The following CCDC191 variants were observed in gnomAD, a reference collection of about 807,000 sequenced individuals.
The protein encoded by CCDC191 is coiled-coil domain-containing protein 191.
CCDC191 carries 99 observed loss-of-function variants against 114.0 expected under a neutral mutation model. That is an observed-to-expected ratio of 0.87 (90% CI 0.74 to 1.03). The LOEUF is 1.03. CCDC191 is among the 50% of genes least tolerant of loss of function. The probability of loss-of-function intolerance (pLI) is 0.00; values close to 1 mark genes in which losing one functional copy is unlikely to be tolerated. For synonymous variants in CCDC191, 351 were observed against 376.0 expected (o/e 0.93, Z 0.77); for missense variants, 973 against 1,087.0 (o/e 0.90, Z 1.47).
intron 6 of CCDC191, among the ~76,000 whole-genome samples, chr3:114,032,812 T>G (rs1380825032): frequency 2.6e-5 from 4 of 152,166 alleles, no homozygotes; most frequent in Admixed American, 6.5e-5. Flanking sequence ...AAGAGATAAC[T>G]TTAAAACTAG....
At chr3:114,027,144 C>T (rs775675597) in intron 7 of CCDC191, among the ~76,000 whole-genome samples, 7 of 152,180 alleles carry the variant, frequency 4.6e-5, no homozygotes, top group Non-Finnish European at 1.0e-4. Context: ...AAGTAGAAAG[C>T]TTCTACACAA....
chr3:114,039,419 A>T (rs1447339501), intron 4 of CCDC191: 3 of 152,204 alleles, frequency 2.0e-5, no homozygotes, highest in Admixed American at 2.0e-4. Context: ...CTGAGGCTGG[A>T]GGATTTCTTG....
chr3:114,046,938 T>C (rs938030698), intron 2 of CCDC191: 32 of 959,634 alleles, frequency 3.3e-5, no homozygotes, highest in Admixed American at 6.2e-5. Context: ...ATTGCAGTAT[T>C]TTACCAAGTT....
At position 114,018,862 on chromosome 3, in the gene CCDC191, T is replaced by G. The variant is rs760553102; in HGVS notation, c.979A>C (p.Lys327Gln). 5 of 1,613,434 alleles carry G rather than the reference T, an allele frequency of 3.1e-6. No homozygotes were observed. Residue 327 changes from lysine (K) to glutamine (Q), a missense_variant, in exon 8 of 17, where the codon AAA (lysine) becomes CAA (glutamine). Lys to Gln is a moderately conservative substitution (Grantham distance 53, BLOSUM62 1). Coordinates refer to ENST00000295878, the MANE Select transcript of CCDC191 (RefSeq NM_020817.2). Reference sequence around the variant, plus strand: ...TTGTGCCAGGCAGCGAAATACCGTTTTTGACACTGCAGCGGAAATATTAGG... The same window carrying G: ...TTGTGCCAGGCAGCGAAATACCGTTGTTGACACTGCAGCGGAAATATTAGG... ...QTFKENQQCQ[K>Q]RYFAAWHKLI... is the part of the protein sequence containing the mutation.
intron 6 of CCDC191, 96 bp downstream of exon 6, chr3:114,034,829 T>C: frequency 1.1e-6 from 1 of 942,140 alleles, no homozygotes; most frequent in South Asian, 1.6e-5. Context: ...TTCTATGTTT[T>C]GTTATTGAAT....
intron 16 of CCDC191, among the ~76,000 whole-genome samples, chr3:113,975,110 G>A (rs1214247767): frequency 6.6e-6 from 1 of 151,644 alleles, no homozygotes; most frequent in Non-Finnish European, 1.5e-5. Flanking sequence ...GTGTAGGTCT[G>A]TGACTTTCAT....
At chr3:114,034,875 A>G (rs962607572) in intron 6 of CCDC191, 50 bp downstream of exon 6, 2 of 1,521,630 alleles carry the variant, frequency 1.3e-6, no homozygotes, top group African/African-American at 2.8e-5. Context: ...GCATTTCTAA[A>G]ATGACTGCTT....
chr3:114,011,915 G>A (rs1344996146), intron 8 of CCDC191, among the ~76,000 whole-genome samples: 1 of 152,222 alleles, frequency 6.6e-6, no homozygotes, highest in African/African-American at 2.4e-5. Context: ...ACTTAGCTGT[G>A]AGTGTGGAAC....
intron 16 of CCDC191, among the ~76,000 whole-genome samples, chr3:113,977,877 C>T (rs1436920064): frequency 6.6e-6 from 1 of 152,192 alleles, no homozygotes; most frequent in African/African-American, 2.4e-5. Context: ...CTATATTTGA[C>T]TAACAAAGAA....
At chr3:113,966,279 TTAAG>T (rs780294696) in intron 16 of CCDC191, among the ~76,000 whole-genome samples, 5 of 152,134 alleles carry the variant, frequency 3.3e-5, no homozygotes, top group East Asian at 1.9e-4. Context: ...GGAAGACTGT[TTAAG>T]TGAGTGTCTG....
chr3:113,968,364 G>C (rs1057054320), intron 16 of CCDC191, among the ~76,000 whole-genome samples: 1 of 152,004 alleles, frequency 6.6e-6, no homozygotes. Context: ...GTTTTGATTT[G>C]GATTTCTCTG....
intron 7 of CCDC191, among the ~76,000 whole-genome samples, chr3:114,027,021 G>C (rs1333226796): frequency 6.6e-6 from 1 of 152,150 alleles, no homozygotes; most frequent in Non-Finnish European, 1.5e-5. Context: ...AATAGTATAA[G>C]AGTTTTATAG....
chr3:114,002,907 C>T (rs1208548892), intron 11 of CCDC191: 5 of 982,846 alleles, frequency 5.1e-6, no homozygotes, highest in Non-Finnish European at 1.2e-6. Flanking sequence ...ACTTTAATTA[C>T]ATCTAACAAG....
intron 9 of CCDC191, 76 bp downstream of exon 9, chr3:114,010,696 G>C: frequency 7.0e-7 from 1 of 1,434,834 alleles, no homozygotes; most frequent in Non-Finnish European, 9.5e-7. Flanking sequence ...AAAGCAATCT[G>C]ACAATGACTG....
In CCDC191 at chr3:114,010,111, AT is replaced by A. The variant is rs201846864; in HGVS notation, c.1413+660del. Among the ~76,000 whole-genome samples, 169 of 150,146 alleles carry A rather than the reference AT, an allele frequency of 1.1e-3. 3 individuals carry two copies. The East Asian group carries it at 0.015, about 13-fold the overall frequency. ...GCTCATGTTATATTGTGAAAACGTA[AT>A]TTTTTTTTTAGAAGAACAGTAAGTA... On this transcript the variant is annotated intron_variant, in intron 9 of 16. Coordinates refer to ENST00000295878, the MANE Select transcript of CCDC191 (RefSeq NM_020817.2).
At chr3:114,004,950 T>A (rs1055230415) in intron 10 of CCDC191, among the ~76,000 whole-genome samples, 3 of 152,144 alleles carry the variant, frequency 2.0e-5, no homozygotes, top group African/African-American at 7.2e-5. Context: ...GTGAGTCAGG[T>A]ACTGTGACTC....
intron 13 of CCDC191, among the ~76,000 whole-genome samples, chr3:113,994,176 A>G (rs188699536): frequency 6.6e-6 from 1 of 152,250 alleles, no homozygotes. Flanking sequence ...CTTGGTCCAG[A>G]ATATATGAAG....
At chr3:113,969,839 G>C (rs2092845975) in intron 16 of CCDC191, among the ~76,000 whole-genome samples, 1 of 152,118 alleles carries the variant, frequency 6.6e-6, no homozygotes, top group African/African-American at 2.4e-5. Flanking sequence ...AGGGTCTTCT[G>C]TGGTTTCATA....
intron 4 of CCDC191, among the ~76,000 whole-genome samples, chr3:114,041,979 T>C (rs2076568251): frequency 6.6e-6 from 1 of 152,118 alleles, no homozygotes; most frequent in African/African-American, 2.4e-5. Context: ...TGCACAGTAG[T>C]GGTTTTTCTC....
Sources: gnomAD v4.1 joint callset for allele counts (sites outside exome capture counted in the v4.1 genomes callset) on GRCh38, gnomAD v4.1.1 for gene constraint, MANE v1.5 for transcripts, NCBI Gene and HGNC (gene_info 2026-07-23, HGNC 2026-07-21) for gene names.